ITGAM: variants seen among roughly 807,000 people sequenced by gnomAD.
ITGAM encodes the protein integrin subunit alpha M.
Under a neutral mutation model 137.5 loss-of-function variants are expected in ITGAM, and 79 were observed. That is an observed-to-expected ratio of 0.57 (90% confidence interval 0.48 to 0.69). The LOEUF (loss-of-function observed/expected upper bound fraction) is 0.69. ITGAM is among the 30% of genes least tolerant of loss of function. ITGAM has a pLI of 0.00. For missense variants in ITGAM, 1,343 were observed against 1,483.5 expected (o/e 0.91, Z 1.56); for synonymous variants, 583 against 592.3 (o/e 0.98, Z 0.23).
At chr16:31,308,700 A>G (rs2080291595) in intron 14 of ITGAM, among the ~76,000 whole-genome samples, 1 of 152,116 alleles carries the variant, frequency 6.6e-6, no homozygotes, top group Non-Finnish European at 1.5e-5. Context: ...CTAGCTTTTG[A>G]ATGTGTTTGC....
intron 12 of ITGAM, among the ~76,000 whole-genome samples, chr16:31,293,148 G>T (rs929728245): frequency 1.3e-5 from 2 of 152,038 alleles, no homozygotes; most frequent in Admixed American, 6.6e-5. Context: ...GTAGATGTTG[G>T]ATATTACACC....
chr16:31,273,377 T>C lies in ITGAM; in HGVS notation c.717T>C (p.Phe239=), dbSNP rs756902958. ...GTTTCCTGCACAGACGAGAGCTGTT[T>C]AACATCACCAACGGAGCCCGAAAGA... ...TGIRKVVREL[F]NITNGARKNA... is the part of the protein sequence containing the mutation. Residue 239 remains phenylalanine, a synonymous_variant, in exon 8 of 30, where the codon TTT becomes TTC. Coordinates refer to ENST00000544665, the MANE Select transcript of ITGAM (RefSeq NM_000632.4). 9 of 1,613,650 alleles carry C rather than the reference T, an allele frequency of 5.6e-6. No individual in the cohort carries two copies. Among genetic ancestry groups the C allele is most frequent in the Non-Finnish European group, 7.6e-6 (9 of 1,179,822 alleles).
At position 31,302,944 on chromosome 16, in the gene ITGAM, CTTTCTTTCTTTCTTT is replaced by C. The variant is rs2080226816; in HGVS notation, c.1707+4991_1707+5005del. Among the ~76,000 whole-genome samples the C allele has an allele frequency of 2.9e-5, 3 of 105,260 alleles. 1 individual carries two copies. Among genetic ancestry groups the C allele is most frequent in the African/African-American group, 1.1e-4 (3 of 27,988 alleles). The allele number at this position is 105,260 out of a possible 152,430, so 69.1% of individuals were successfully genotyped here. A position where few individuals can be genotyped will look rare whatever the true frequency, so the allele number is the denominator to read the frequency against. The stretch of plus-strand genomic sequence containing the variant: ...TCTTTCTTTCTTTCTTTCTTTCTTT[CTTTCTTTCTTTCTTT>C]CTTTCTTTCTTTCTTTCTTTCTTTC... On this transcript the variant is annotated intron_variant, in intron 14 of 29. Coordinates refer to ENST00000544665, the MANE Select transcript of ITGAM (RefSeq NM_000632.4).
chr16:31,324,461 G>A lies in ITGAM; in HGVS notation c.2065G>A (p.Ala689Thr), dbSNP rs1276726965. The A allele has an allele frequency of 8.3e-6, 13 of 1,565,672 alleles. No individual in the cohort carries two copies. The highest frequency in any genetic ancestry group is 2.4e-5 in the East Asian group (1 of 41,896). Residue 689 changes from alanine to threonine, a missense_variant, in exon 17 of 30, where the codon GCC (alanine) becomes ACC (threonine). Ala to Thr is a moderately conservative substitution (Grantham distance 58). Transcript: ENST00000544665. This position sits in a 1 kb window ranked among gnomAD's most constrained non-coding sequence, Gnocchi z 4.5. ...GGACTCCGGCCGCCCACATTCCCGC[G>A]CCGTCTTCAATGAGACAAAGAACAG... ...ALDSGRPHSR[A>T]VFNETKNSTR...
chr16:31,329,507 G>A (rs1390297177), intron 24 of ITGAM, among the ~76,000 whole-genome samples: 1 of 152,136 alleles, frequency 6.6e-6, no homozygotes. Context: ...TATTACCTTC[G>A]TAGCGACTCT....
At chr16:31,319,122 A>G (rs1047031560) in intron 14 of ITGAM, among the ~76,000 whole-genome samples, 1 of 152,096 alleles carries the variant, frequency 6.6e-6, no homozygotes, top group African/African-American at 2.4e-5. Flanking sequence ...GTGACCTAAC[A>G]TGTGGTCTGT....
Position 31,329,901 on chromosome 16 carries a change from C to A in ITGAM, c.2972C>A (p.Ser991Tyr). The A allele has an allele frequency of 6.4e-7, 1 of 1,558,800 alleles. No homozygotes were observed. The highest frequency in any genetic ancestry group is 8.7e-7 in the Non-Finnish European group (1 of 1,151,008). The change falls in exon 25 of 30, where the codon TCC (serine) becomes TAC (tyrosine). Residue 991 changes from serine to tyrosine, a missense_variant. Ser to Tyr is a moderately radical substitution (Grantham distance 144). Transcript: ENST00000544665. The stretch of plus-strand genomic sequence containing the variant: ...TGGGACCGCCCCCAGGTCACCTTCT[C>A]CGAGGTGAGCGGAGCTCGGCCTGAC... ...VIWDRPQVTF[S>Y]ENLSSTCHTK...
At chr16:31,296,039 T>G (rs1267462880) in intron 12 of ITGAM, among the ~76,000 whole-genome samples, 1 of 152,062 alleles carries the variant, frequency 6.6e-6, no homozygotes, top group Non-Finnish European at 1.5e-5. Context: ...TTTGCATATG[T>G]GGAATCATCC....
intron 1 of ITGAM, among the ~76,000 whole-genome samples, chr16:31,261,272 G>C (rs555182027): frequency 4.0e-5 from 6 of 148,658 alleles, no homozygotes; most frequent in Non-Finnish European, 5.9e-5. Context: ...GCATGATCAT[G>C]GTTCACTGCA....
At chr16:31,265,320 G>A (rs2079752242) in intron 2 of ITGAM, 75 bp from the exon 3 acceptor site, 6 of 718,162 alleles carry the variant, frequency 8.4e-6, no homozygotes, top group Non-Finnish European at 1.3e-5. Context: ...CGTCCTCTGG[G>A]TGGCAGAACT....
chr16:31,260,182 C>A, intron 1 of ITGAM, 90 bp downstream of exon 1: 2 of 939,708 alleles, frequency 2.1e-6, no homozygotes, highest in South Asian at 1.6e-5. Context: ...ATGTAGGAGT[C>A]AGTCTGGGGA....
chr16:31,311,545 T>C (rs1235449498), intron 14 of ITGAM, among the ~76,000 whole-genome samples: 2 of 152,152 alleles, frequency 1.3e-5, no homozygotes, highest in African/African-American at 2.4e-5. Context: ...TGCTCATCAT[T>C]ACTGGCCATC....
At chr16:31,263,802 AATTTATTTATTTATTT>A (rs61363590) in intron 2 of ITGAM, among the ~76,000 whole-genome samples, 8,755 of 129,720 alleles carry the variant, frequency 0.067, 921 homozygotes, top group African/African-American at 0.23. Context: ...CACATACAAA[AATTTATTTATTTATTT>A]ATTTATTTAT....
chr16:31,278,700 G>C (rs1439780992), intron 12 of ITGAM, among the ~76,000 whole-genome samples: 1 of 152,046 alleles, frequency 6.6e-6, no homozygotes, highest in Non-Finnish European at 1.5e-5. Context: ...TCCTGAAATA[G>C]GACTGCACCC....
chr16:31,288,407 A>G (rs2080051341), intron 12 of ITGAM, among the ~76,000 whole-genome samples: 1 of 152,126 alleles, frequency 6.6e-6, no homozygotes, highest in African/African-American at 2.4e-5. Flanking sequence ...TTTTAAATTT[A>G]AATTTCCAAT....
chr16:31,308,726 T>C (rs2080291893), intron 14 of ITGAM, among the ~76,000 whole-genome samples: 1 of 152,274 alleles, frequency 6.6e-6, no homozygotes, highest in Admixed American at 6.5e-5. Context: ...CTTCTCTAGT[T>C]CTTTTAATTG....
At chr16:31,331,524 G>T in intron 29 of ITGAM, 112 bp from the exon 30 acceptor site, 1 of 285,922 alleles carries the variant, frequency 3.5e-6, no homozygotes, top group East Asian at 5.4e-5. Flanking sequence ...CTCCCGCCCC[G>T]CCCTCCTGGG....
At chr16:31,310,244 C>T (rs1337546292) in intron 14 of ITGAM, among the ~76,000 whole-genome samples, 1 of 152,132 alleles carries the variant, frequency 6.6e-6, no homozygotes, top group African/African-American at 2.4e-5. Flanking sequence ...GTTGGCCTGC[C>T]TTGCTAGATT....
At chr16:31,308,846 G>T (rs1464137621) in intron 14 of ITGAM, among the ~76,000 whole-genome samples, 2 of 150,718 alleles carry the variant, frequency 1.3e-5, no homozygotes, top group Non-Finnish European at 3.0e-5. Flanking sequence ...ATTTTGGTAT[G>T]TTGTGTCTTT....
Sources: allele counts gnomAD v4.1 joint callset (sites outside exome capture counted in the v4.1 genomes callset), GRCh38; gene constraint gnomAD v4.1.1; non-coding constraint Gnocchi (gnomAD v3.1); transcripts MANE v1.5; gene names NCBI Gene and HGNC (gene_info 2026-07-23, HGNC 2026-07-21).